Variants in FAT3 observed in about 807,000 individuals in gnomAD.
The protein encoded by FAT3 is protocadherin Fat 3.
In FAT3, 95 loss-of-function variants were observed where a neutral mutation model predicts 310.2. The ratio of observed to expected loss-of-function variants is 0.31; its 90% CI spans 0.26 to 0.36. The LOEUF (loss-of-function observed/expected upper bound fraction) is 0.36. FAT3 is among the 10% of genes least tolerant of loss of function. The probability of loss-of-function intolerance (pLI) is 1.00; values close to 1 mark genes in which losing one functional copy is unlikely to be tolerated. For synonymous variants in FAT3, 2,314 were observed against 2,192.9 expected (o/e 1.06, Z -1.54); for missense variants, 5,408 against 5,715.6 (o/e 0.95, Z 1.74).
intron 19 of FAT3, among the ~76,000 whole-genome samples, chr11:92,856,800 A>G (rs1229038902): frequency 6.6e-6 from 1 of 152,106 alleles, no homozygotes; most frequent in African/African-American, 2.4e-5. Context: ...AGGGAGGTGC[A>G]GAAGAAATCT....
rs780359938 is a variant in FAT3, at chr11:92,764,980, C to T, written c.4086C>T (p.Phe1362=). ...KPPPSPIPLT[F]DEPFYNFTVM... ...CCCCTTCACCTATACCATTGACCTT[C>T]GATGAGCCGTTTTATAACTTCACAG... Residue 1362 remains phenylalanine, a synonymous_variant, in exon 6 of 28, where the codon TTC becomes TTT. Coordinates refer to ENST00000525166, the MANE Select transcript of FAT3 (RefSeq NM_001367949.2). 3.2e-5 allele frequency: 51 copies of T among 1,613,688 alleles called. No homozygotes were observed. The highest frequency in any genetic ancestry group is 1.1e-4 in the African/African-American group (8 of 74,852).
At chr11:92,871,565 C>A (rs1949393103) in intron 22 of FAT3, among the ~76,000 whole-genome samples, 1 of 152,178 alleles carries the variant, frequency 6.6e-6, no homozygotes, top group Non-Finnish European at 1.5e-5. Context: ...TCAGCATCAC[C>A]TAAGGACCTT....
chr11:92,676,371 TAG>T (rs1943288340), intron 3 of FAT3, among the ~76,000 whole-genome samples: 2 of 152,268 alleles, frequency 1.3e-5, no homozygotes, highest in South Asian at 4.1e-4. Context: ...AATAAGGAAA[TAG>T]AGTCTGCTCA....
At chr11:92,230,807 C>T (rs1302718871) in intron 1 of FAT3, among the ~76,000 whole-genome samples, 1 of 152,096 alleles carries the variant, frequency 6.6e-6, no homozygotes, top group Non-Finnish European at 1.5e-5. Context: ...AAAAGAATGT[C>T]TATGAACAGG....
At chr11:92,665,762 G>A (rs1942929131) in intron 3 of FAT3, among the ~76,000 whole-genome samples, 1 of 152,122 alleles carries the variant, frequency 6.6e-6, no homozygotes, top group African/African-American at 2.4e-5. Context: ...GATACTTCAA[G>A]AACTTTTATG....
chr11:92,240,594 A>T (rs1864636137), intron 1 of FAT3, among the ~76,000 whole-genome samples: 1 of 149,870 alleles, frequency 6.7e-6, no homozygotes, highest in Non-Finnish European at 1.5e-5. Context: ...AAAAACCCAA[A>T]AAACCAAATC....
intron 4 of FAT3, among the ~76,000 whole-genome samples, chr11:92,738,433 G>A (rs1334805992): frequency 1.3e-5 from 2 of 152,090 alleles, no homozygotes; most frequent in Admixed American, 6.6e-5. Flanking sequence ...TCTCGCTTCC[G>A]CATCCCTTTG....
chr11:92,881,459 CA>C lies in FAT3; in HGVS notation c.12281+576del, dbSNP rs1410741351. ...AGCAAGTGATATTCTAATTACAGAT[CA>C]GTCTTACTTATTCATTAGAGCAAAT... On this transcript the variant is annotated intron_variant, in intron 23 of 27. Transcript: ENST00000525166. 5.9e-4 allele frequency among the ~76,000 whole-genome samples: 90 copies of C among 152,300 alleles called. 1 individual carries two copies. The East Asian group carries it at 0.014, about 23-fold the overall frequency.
intron 18 of FAT3, among the ~76,000 whole-genome samples, chr11:92,843,629 C>T (rs1948599839): frequency 6.6e-6 from 1 of 152,240 alleles, no homozygotes; most frequent in African/African-American, 2.4e-5. Flanking sequence ...ACAATTAAAA[C>T]AAGCTCAGCC....
intron 2 of FAT3, among the ~76,000 whole-genome samples, chr11:92,462,649 A>G (rs911790284): frequency 5.3e-5 from 8 of 152,146 alleles, no homozygotes; most frequent in Non-Finnish European, 1.2e-4. Flanking sequence ...GCTAAAAACC[A>G]TAGGATGTTT....
chr11:92,349,479 T>G (rs926745191), intron 1 of FAT3, among the ~76,000 whole-genome samples: 4 of 152,218 alleles, frequency 2.6e-5, no homozygotes, highest in Admixed American at 1.3e-4. Context: ...CTCTACAAAG[T>G]AGACACCCCA....
intron 2 of FAT3, among the ~76,000 whole-genome samples, chr11:92,483,695 G>C (rs147537789): frequency 6.8e-6 from 1 of 147,722 alleles, no homozygotes; most frequent in Non-Finnish European, 1.5e-5. Flanking sequence ...CATATCCCTG[G>C]AGGTACAATG....
chr11:92,591,748 T>C (rs1939437209), intron 3 of FAT3, among the ~76,000 whole-genome samples: 1 of 152,198 alleles, frequency 6.6e-6, no homozygotes, highest in South Asian at 2.1e-4. Flanking sequence ...AATTTTATCA[T>C]TTTAGCTGCA....
At position 92,680,131 on chromosome 11, in the gene FAT3, GT is replaced by G. The variant is rs374341598; in HGVS notation, c.3608-17242del. Reference sequence around the variant, plus strand: ...ATTAAGTCTCATTTTTCTATTTTTGGTTTTTTTTTTTCATCTATGCTTTTGA... The same window carrying G: ...ATTAAGTCTCATTTTTCTATTTTTGGTTTTTTTTTTCATCTATGCTTTTGA... On this transcript the variant is annotated intron_variant, in intron 3 of 27. Transcript: ENST00000525166. 4.7e-3 allele frequency among the ~76,000 whole-genome samples: 675 copies of G among 143,452 alleles called. 5 individuals carry two copies. The highest frequency in any genetic ancestry group is 0.015 in the African/African-American group (609 of 39,354). 94.1% of individuals were successfully genotyped at this position (143,452 alleles called of 152,430 possible). A position where few individuals can be genotyped will look rare whatever the true frequency, so the allele number is the denominator to read the frequency against.
Position 92,709,849 on chromosome 11 carries a change from G to C in FAT3, c.3669+12404G>C, listed in dbSNP as rs148345689. 8.0e-4 allele frequency among the ~76,000 whole-genome samples: 122 copies of C among 152,276 alleles called. 4 individuals are homozygous for C. The highest frequency in any genetic ancestry group is 3.7e-3 in the East Asian group (19 of 5,184). On this transcript the variant is annotated intron_variant, in intron 4 of 27. Coordinates refer to ENST00000525166, the MANE Select transcript of FAT3 (RefSeq NM_001367949.2). ...AGGTGGCTTGCCAACCCCAGCTCCTGTTTGGAGCCTAAAAGCAGTTCCTAA... is the reference window on the plus strand; with the variant it reads ...AGGTGGCTTGCCAACCCCAGCTCCTCTTTGGAGCCTAAAAGCAGTTCCTAA...
At chr11:92,847,766 G>A (rs750204549) in intron 19 of FAT3, among the ~76,000 whole-genome samples, 5 of 152,246 alleles carry the variant, frequency 3.3e-5, no homozygotes, top group Non-Finnish European at 7.4e-5. Context: ...CAGGCTCTTT[G>A]TTTTAATAGC....
intron 2 of FAT3, among the ~76,000 whole-genome samples, chr11:92,371,159 A>G (rs964755260): frequency 6.6e-6 from 1 of 152,232 alleles, no homozygotes. Context: ...AGAGTTCACT[A>G]ACTCTCATTG....
At chr11:92,885,391 C>T (rs993195553) in intron 24 of FAT3, among the ~76,000 whole-genome samples, 1 of 152,170 alleles carries the variant, frequency 6.6e-6, no homozygotes, top group Non-Finnish European at 1.5e-5. Context: ...GGATTAAAAC[C>T]TGTGCTCTTA....
intron 2 of FAT3, among the ~76,000 whole-genome samples, chr11:92,453,424 T>C (rs1020275861): frequency 6.6e-6 from 1 of 152,080 alleles, no homozygotes; most frequent in African/African-American, 2.4e-5. Flanking sequence ...TGGCCCCAAA[T>C]AGAAGATTTT....
Sources: allele counts gnomAD v4.1 joint callset (sites outside exome capture counted in the v4.1 genomes callset), GRCh38; gene constraint gnomAD v4.1.1; transcripts MANE v1.5; gene names NCBI Gene and HGNC (gene_info 2026-07-23, HGNC 2026-07-21).